The following DCHS2 variants were observed in gnomAD, a reference collection of about 807,000 sequenced individuals.
DCHS2 encodes protocadherin-23.
In DCHS2, 142 loss-of-function variants were observed where a neutral mutation model predicts 182.4. The ratio of observed to expected loss-of-function variants is 0.78; its 90% CI spans 0.68 to 0.89. DCHS2 has a LOEUF of 0.89. Among genes scored for constraint, DCHS2 ranks in the 40% least tolerant of loss-of-function variants. DCHS2 has a pLI of 0.00. For missense variants in DCHS2, 4,319 were observed against 4,198.6 expected (o/e 1.03, Z -0.79); for synonymous variants, 1,740 against 1,663.3 (o/e 1.05, Z -1.12).
chr4:154,489,909 C>A lies in DCHS2; in HGVS notation c.1447G>T (p.Gly483Cys). ...AGGAAAAATACCCCTGGGGGGCCGC[C>A]GGGTAGCAACGCGAAGTCTCCCTCT... ...GGEGDFALLP[G>C]GPPGVFFLCV... is the part of the protein sequence containing the mutation. Residue 483 changes from glycine (G) to cysteine (C), a missense_variant, in exon 1 of 20, where the codon GGC becomes TGC. Transcript: ENST00000357232. 6.5e-7 allele frequency: 1 copy of A among 1,538,884 alleles called. No homozygotes were observed. Among genetic ancestry groups the A allele is most frequent in the Non-Finnish European group, 8.8e-7 (1 of 1,139,152 alleles).
chr4:154,475,268 A>G (rs963516248), intron 1 of DCHS2, among the ~76,000 whole-genome samples: 1 of 152,192 alleles, frequency 6.6e-6, no homozygotes, highest in Non-Finnish European at 1.5e-5. Flanking sequence ...TGTAATTTAA[A>G]CTGAAGGTTT....
At chr4:154,307,169 A>ACCTTACAC (rs1301896393) in intron 10 of DCHS2, among the ~76,000 whole-genome samples, 3 of 152,166 alleles carry the variant, frequency 2.0e-5, no homozygotes, top group East Asian at 3.8e-4. Context: ...AGTGCCTTGC[A>ACCTTACAC]CCTTACACCC....
chr4:154,280,127 A>T (rs1051608254), intron 13 of DCHS2, among the ~76,000 whole-genome samples: 2 of 152,074 alleles, frequency 1.3e-5, no homozygotes, highest in African/African-American at 4.8e-5. Flanking sequence ...GATAACCTAG[A>T]TGAAATGGAT....
rs572779070 is a variant in DCHS2 at position 154,348,949 on chromosome 4, G to A, written c.2477-13845C>T. ...ATTTTGGTTGTCACTTTCTCATTAC[G>A]TTTATGGGCTGTTGATCTTTTTTGG... On this transcript the variant is annotated intron_variant, in intron 3 of 19. Transcript: ENST00000357232. 2.0e-5 allele frequency among the ~76,000 whole-genome samples: 3 copies of A among 152,072 alleles called. No individual in the cohort carries two copies. The South Asian group carries it at 6.2e-4, about 32-fold the overall frequency.
chr4:154,359,300 G>C (rs918242916), intron 3 of DCHS2, among the ~76,000 whole-genome samples: 5 of 151,922 alleles, frequency 3.3e-5, no homozygotes, highest in Non-Finnish European at 5.9e-5. Flanking sequence ...GTTTTGAACA[G>C]ATGCAGTACT....
chr4:154,290,333 T>G lies in DCHS2; in HGVS notation c.6463+7518A>C, dbSNP rs186005507. ...GAAAAGATATTCCATGTTCATGGAT[T>G]GAAGAATCACTATTTTTAAAATGTC... On this transcript the variant is annotated intron_variant, in intron 13 of 19. Coordinates refer to ENST00000357232, the MANE Select transcript of DCHS2 (RefSeq NM_001358235.2). Among the ~76,000 whole-genome samples, 318 of 152,136 alleles carry G rather than the reference T, an allele frequency of 2.1e-3. 1 individual carries two copies. The highest frequency in any genetic ancestry group is 7.3e-3 in the African/African-American group (305 of 41,572).
At chr4:154,275,144 C>A (rs959155694) in intron 13 of DCHS2, among the ~76,000 whole-genome samples, 3 of 151,760 alleles carry the variant, frequency 2.0e-5, no homozygotes. Context: ...CCTTTCAATG[C>A]CTAACACTCA....
rs1728820553 is a variant in DCHS2 at position 154,491,168 on chromosome 4, G to A, written c.188C>T (p.Ser63Phe). 1 of 1,551,208 alleles carries A rather than the reference G, an allele frequency of 6.4e-7. No homozygotes were observed. The highest frequency in any genetic ancestry group is 1.4e-5 in the African/African-American group (1 of 73,050). ...AAGGGTGAGGTTGAACAACTGGGCA[G>A]AGGAGCCCGAGGCCGCCCACAGCCA... ...HVWLWAASGSSAQLFNLTLSV... is the reference protein window; with the variant it reads ...HVWLWAASGSFAQLFNLTLSV... Residue 63 changes from serine to phenylalanine, a missense_variant, in exon 1 of 20, where the codon TCT becomes TTT. Ser to Phe is a radical substitution (Grantham distance 155, BLOSUM62 -2). Coordinates refer to ENST00000357232, the MANE Select transcript of DCHS2 (RefSeq NM_001358235.2).
rs760731181 is a variant in DCHS2 at position 154,334,980 on chromosome 4, G to A, written c.2601C>T (p.Phe867=). ...VINADVTIHI[F]QTTLAPAEFE... is the part of the protein sequence containing the mutation. Reference sequence around the variant, plus strand: ...ACTCAGCAGGTGCCAGAGTTGTCTGGAAAATGTGTATGGTGACATCGGCAT... The same window carrying A: ...ACTCAGCAGGTGCCAGAGTTGTCTGAAAAATGTGTATGGTGACATCGGCAT... The change falls in exon 4 of 20, where the codon TTC becomes TTT. Residue 867 remains phenylalanine, a synonymous_variant. Coordinates refer to ENST00000357232, the MANE Select transcript of DCHS2 (RefSeq NM_001358235.2). 1 of 1,614,170 alleles carries A rather than the reference G, an allele frequency of 6.2e-7. No homozygotes were observed. The highest frequency in any genetic ancestry group is 2.2e-5 in the East Asian group (1 of 44,876).
Position 154,348,601 on chromosome 4 carries a change from G to A in DCHS2, c.2477-13497C>T, listed in dbSNP as rs76708031. On this transcript the variant is annotated intron_variant, in intron 3 of 19. Transcript: ENST00000357232. The stretch of plus-strand genomic sequence containing the variant: ...GGGTGCCCTAAATCCAATGACCGGT[G>A]TCCACACACAAGGAAGGACACAAGA... Among the ~76,000 whole-genome samples, 466 of 151,862 alleles carry A rather than the reference G, an allele frequency of 3.1e-3. 9 individuals are homozygous for A. The East Asian group carries it at 0.033, about 11-fold the overall frequency.
Position 154,459,166 on chromosome 4 carries a change from C to G in DCHS2, c.2052+30138G>C, listed in dbSNP as rs185354287. Among the ~76,000 whole-genome samples, 497 of 152,250 alleles carry G rather than the reference C, an allele frequency of 3.3e-3. 4 individuals carry two copies. Among genetic ancestry groups the G allele is most frequent in the African/African-American group, 0.011 (463 of 41,542 alleles). ...TCAGAAAGTAGCAGCTCCCATAGAA[C>G]ATTTCAACATTAGATTTGTCAGGGG... On this transcript the variant is annotated intron_variant, in intron 1 of 19. Coordinates refer to ENST00000357232, the MANE Select transcript of DCHS2 (RefSeq NM_001358235.2).
At position 154,489,985 on chromosome 4, in the gene DCHS2, C is replaced by T. The variant is rs1457040062; in HGVS notation, c.1371G>A (p.Glu457=). The T allele has an allele frequency of 6.5e-7, 1 of 1,549,568 alleles. No homozygotes were observed. The highest frequency in any genetic ancestry group is 1.2e-5 in the South Asian group (1 of 83,978). ...TCCCGTCTCCAAGACCCACACCAAG[C>T]TCCCCTGTGGCCTCATCTTCCTTCT... is the stretch of plus-strand genomic sequence containing the variant. ...DWEKEDEATG[E]LGVGLGDGSI... The change falls in exon 1 of 20, where the codon GAG becomes GAA. Residue 457 remains glutamate (E), a synonymous_variant. Coordinates refer to ENST00000357232, the MANE Select transcript of DCHS2 (RefSeq NM_001358235.2).
intron 3 of DCHS2, among the ~76,000 whole-genome samples, chr4:154,338,376 A>G (rs1728911845): frequency 6.6e-6 from 1 of 152,242 alleles, no homozygotes; most frequent in Non-Finnish European, 1.5e-5. Flanking sequence ...CAGGTAGTTT[A>G]GATAAGAAAC....
intron 17 of DCHS2, among the ~76,000 whole-genome samples, chr4:154,242,426 A>T (rs2111108918): frequency 6.6e-6 from 1 of 152,256 alleles, no homozygotes; most frequent in East Asian, 1.9e-4. Flanking sequence ...TGATGGTTGG[A>T]GCATGGGGAC....
At chr4:154,338,411 C>A (rs936724683) in intron 3 of DCHS2, among the ~76,000 whole-genome samples, 1 of 152,122 alleles carries the variant, frequency 6.6e-6, no homozygotes, top group Non-Finnish European at 1.5e-5. Context: ...AAATATAATA[C>A]TACCTAAAAT....
At position 154,322,332 on chromosome 4, in the gene DCHS2, T is replaced by C. The variant is rs1298090543; in HGVS notation, c.4175A>G (p.Gln1392Arg). ...PLQGQAVVNI[Q>R]VIPLSKGRAI... ...CATATTTTATGGTGACAACATTACC[T>C]GAATATTAACAACTGCCTGTCCTTG... Residue 1392 changes from glutamine to arginine, a missense_variant and splice_region_variant, in exon 8 of 20, where the codon CAG (glutamine) becomes CGG (arginine). Gln to Arg is a conservative substitution (Grantham distance 43, BLOSUM62 1). Coordinates refer to ENST00000357232, the MANE Select transcript of DCHS2 (RefSeq NM_001358235.2). 5.6e-6 allele frequency: 9 copies of C among 1,613,104 alleles called. No individual in the cohort carries two copies. The African/African-American group carries it at 8.0e-5, about 14-fold the overall frequency.
intron 1 of DCHS2, among the ~76,000 whole-genome samples, chr4:154,437,161 C>G (rs1733814329): frequency 6.6e-6 from 1 of 152,200 alleles, no homozygotes; most frequent in Non-Finnish European, 1.5e-5. Context: ...CAGCCTTAGA[C>G]AGTTCACCCA....
At chr4:154,357,177 A>G (rs902070393) in intron 3 of DCHS2, 2 of 1,355,208 alleles carry the variant, frequency 1.5e-6, no homozygotes, top group Non-Finnish European at 2.1e-6. Flanking sequence ...TTTTTGGTGA[A>G]TGCTTCTGAC....
chr4:154,250,122 T>TG (rs1732280820), intron 16 of DCHS2, among the ~76,000 whole-genome samples: 1 of 152,174 alleles, frequency 6.6e-6, no homozygotes, highest in African/African-American at 2.4e-5. Flanking sequence ...GATTTTTGGA[T>TG]GGGGGAGTGG....
Sources: gnomAD v4.1 joint callset for allele counts (sites outside exome capture counted in the v4.1 genomes callset) on GRCh38, gnomAD v4.1.1 for gene constraint, MANE v1.5 for transcripts, NCBI Gene and HGNC (gene_info 2026-07-23, HGNC 2026-07-21) for gene names.